The following ADGRV1 variants were observed in gnomAD, a reference collection of about 807,000 sequenced individuals.
ADGRV1 encodes adhesion G protein-coupled receptor V1.
Under a neutral mutation model 596.2 loss-of-function variants are expected in ADGRV1, and 359 were observed. The ratio of observed to expected loss-of-function variants is 0.60; its 90% CI spans 0.55 to 0.66. ADGRV1 has a LOEUF of 0.66. ADGRV1 is among the 30% of genes least tolerant of loss of function. The pLI, the probability that ADGRV1 is intolerant of heterozygous loss-of-function variation, is 0.00. For synonymous variants in ADGRV1, 2,681 were observed against 2,679.2 expected, an observed-to-expected ratio of 1.00 and a Z score of -0.02; for missense variants, 7,274 against 7,575.6, an observed-to-expected ratio of 0.96 and a Z score of 1.48.
chr5:90,658,368 G>A (rs1769727345), intron 21 of ADGRV1, 90 bp downstream of exon 21: 1 of 1,211,778 alleles, frequency 8.3e-7, no homozygotes, highest in Non-Finnish European at 1.1e-6. Context: ...TGGTAAGATT[G>A]GTTGCGCATC....
chr5:90,670,741 C>T (rs779108895), intron 21 of ADGRV1, among the ~76,000 whole-genome samples: 2 of 152,134 alleles, frequency 1.3e-5, no homozygotes, highest in Non-Finnish European at 2.9e-5. Flanking sequence ...GCAGCAGAGA[C>T]CAAAGCTAAG....
intron 1 of ADGRV1, among the ~76,000 whole-genome samples, chr5:90,578,541 G>T (rs1403153861): frequency 6.6e-6 from 1 of 151,848 alleles, no homozygotes; most frequent in Non-Finnish European, 1.5e-5. Context: ...TTTTTGCATC[G>T]ATGTTCATCA....
chr5:90,639,444 ATTCT>A (rs948273137), intron 11 of ADGRV1, among the ~76,000 whole-genome samples: 36 of 152,324 alleles, frequency 2.4e-4, no homozygotes, highest in Admixed American at 7.2e-4. Flanking sequence ...TATTCTTTAT[ATTCT>A]TTCTAACTAT....
chr5:90,750,466 A>T, intron 52 of ADGRV1, 85 bp from the exon 53 acceptor site: 1 of 1,211,428 alleles, frequency 8.3e-7, no homozygotes, highest in South Asian at 1.6e-5. Flanking sequence ...CAAAGTTTGC[A>T]AATCCATAAT....
intron 70 of ADGRV1, among the ~76,000 whole-genome samples, chr5:90,796,545 T>A (rs1760738571): frequency 6.6e-6 from 1 of 152,182 alleles, no homozygotes. Context: ...TTGGAAAACA[T>A]TCTTCAGGAT....
At chr5:90,737,341 G>T (rs772910765) in intron 50 of ADGRV1, among the ~76,000 whole-genome samples, 1 of 151,938 alleles carries the variant, frequency 6.6e-6, no homozygotes, top group Admixed American at 6.6e-5. Flanking sequence ...GACATGTTTT[G>T]TGGCCTAACA....
chr5:91,081,791 GTAAA>G (rs918008238), intron 86 of ADGRV1, among the ~76,000 whole-genome samples: 80 of 152,032 alleles, frequency 5.3e-4, no homozygotes, highest in African/African-American at 1.8e-3. Flanking sequence ...TGTCTCAAAA[GTAAA>G]TAAATAAATA....
At chr5:91,099,667 A>G (rs905132837) in intron 86 of ADGRV1, among the ~76,000 whole-genome samples, 3 of 152,190 alleles carry the variant, frequency 2.0e-5, no homozygotes, top group African/African-American at 7.2e-5. Context: ...GCATTTCGAG[A>G]GGCCGAGGTG....
chr5:90,592,448 T>TGGGGACTGAGA (rs138467428), intron 1 of ADGRV1, among the ~76,000 whole-genome samples: 11,248 of 152,218 alleles, frequency 0.074, 1,377 homozygotes, highest in African/African-American at 0.26. Flanking sequence ...CAATGGATTT[T>TGGGGACTGAGA]GGAAAGGGTG....
chr5:90,824,058 A>G (rs1046003291), intron 76 of ADGRV1, among the ~76,000 whole-genome samples: 6 of 152,350 alleles, frequency 3.9e-5, no homozygotes, highest in African/African-American at 1.2e-4. Flanking sequence ...TATTAAGTAT[A>G]TGCTGTTAGA....
chr5:90,795,806 G>T (rs549263017), intron 70 of ADGRV1, among the ~76,000 whole-genome samples: 1 of 152,218 alleles, frequency 6.6e-6, no homozygotes, highest in African/African-American at 2.4e-5. Context: ...GAAAGAACAG[G>T]CAGCAATCTT....
intron 84 of ADGRV1, among the ~76,000 whole-genome samples, chr5:90,980,189 TAAG>T (rs1779971008): frequency 1.3e-5 from 2 of 152,072 alleles, no homozygotes; most frequent in Admixed American, 6.6e-5. Flanking sequence ...ACAATGAAAA[TAAG>T]AAGATGGTAG....
intron 2 of ADGRV1, chr5:90,617,120 A>G (rs1763462505): frequency 6.6e-6 from 1 of 152,132 alleles, no homozygotes; most frequent in Non-Finnish European, 1.5e-5. Flanking sequence ...AGCTGTGCAT[A>G]TATACAACAT....
intron 87 of ADGRV1, among the ~76,000 whole-genome samples, chr5:91,147,625 C>A (rs1795663697): frequency 6.6e-6 from 1 of 152,162 alleles, no homozygotes; most frequent in African/African-American, 2.4e-5. Flanking sequence ...TCTGAGGCCT[C>A]CCCAGCTGTG....
chr5:90,693,967 G>A lies in ADGRV1; in HGVS notation c.7211G>A (p.Gly2404Asp). Residue 2404 changes from glycine to aspartate, a missense_variant, in exon 33 of 90, where the codon GGT becomes GAT. This residue lies in a region of ADGRV1 where 3,643 missense variants were observed against 3,809.2 expected (regional missense o/e 0.96). Transcript: ENST00000405460. ...GTAGTGGCTCTGGCAATGGAGGAAG[G>A]TCAAGATTTACTGTCCTACTATGAA... The part of the protein sequence containing the change: ...IDVVALAMEE[G>D]QDLLSYYESP... 6.2e-7 allele frequency: 1 copy of A among 1,610,482 alleles called. No homozygotes were observed. The highest frequency in any genetic ancestry group is 8.5e-7 in the Non-Finnish European group (1 of 1,177,310).
chr5:91,092,457 T>C (rs113337210), intron 86 of ADGRV1, among the ~76,000 whole-genome samples: 251 of 152,288 alleles, frequency 1.6e-3, no homozygotes, highest in African/African-American at 5.0e-3. Context: ...TTGAATGTGA[T>C]AGAACTTCAG....
chr5:90,776,471 T>C lies in ADGRV1; in HGVS notation c.12422T>C (p.Ile4141Thr). The C allele has an allele frequency of 6.2e-7, 1 of 1,612,716 alleles. No homozygotes were observed. The highest frequency in any genetic ancestry group is 1.3e-5 in the African/African-American group (1 of 75,008). ...SPVKGSASIIIRGDKRASGEV... is the reference protein window; with the variant it reads ...SPVKGSASIITRGDKRASGEV... ...AATTTAGGTAGTGCATCAATAATTA[T>C]TCGGGGTGATAAGCGAGCATCAGGA... The change falls in exon 61 of 90, where the codon ATT (isoleucine) becomes ACT (threonine). Residue 4141 changes from isoleucine (I) to threonine (T), a missense_variant. Physicochemically the swap from Ile to Thr is moderately conservative, Grantham distance 89. Transcript: ENST00000405460.
rs1169651710 is a variant in ADGRV1 at position 90,823,423 on chromosome 5, AG to A, written c.16198del. 1 of 1,613,168 alleles carries A rather than the reference AG, an allele frequency of 6.2e-7. No homozygotes were observed. Among genetic ancestry groups the A allele is most frequent in the African/African-American group, 1.3e-5 (1 of 74,928 alleles). ...AGGCATTGGTGGGTTTCTTGCTCAC[AG>A]GGCCTTTGAAGATGTCAAGGTCTTT... is the stretch of plus-strand genomic sequence containing the variant. On this transcript the variant is annotated splice_acceptor_variant, in intron 75 of 89. Transcript: ENST00000405460. LOFTEE classifies it high-confidence loss of function.
chr5:90,572,632 A>T (rs1756682646), intron 1 of ADGRV1, among the ~76,000 whole-genome samples: 1 of 152,204 alleles, frequency 6.6e-6, no homozygotes, highest in African/African-American at 2.4e-5. Flanking sequence ...ACACATGCTC[A>T]CACACGCACA....
Sources: gnomAD v4.1 joint callset for allele counts (sites outside exome capture counted in the v4.1 genomes callset) on GRCh38, gnomAD v4.1.1 for gene constraint, gnomAD v4.1.1 regional missense constraint, MANE v1.5 for transcripts, NCBI Gene and HGNC (gene_info 2026-07-23, HGNC 2026-07-21) for gene names.